The following SNTB2 variants were observed in gnomAD, a reference collection of about 807,000 sequenced individuals.
SNTB2 encodes the protein syntrophin beta 2.
SNTB2 carries 34 observed loss-of-function variants against 46.2 expected under a neutral mutation model. The ratio of observed to expected loss-of-function variants is 0.74; its 90% confidence interval spans 0.56 to 0.98. The LOEUF is 0.98. Among genes scored for constraint, SNTB2 ranks in the 50% least tolerant of loss-of-function variants. The pLI is 0.00. For missense variants in SNTB2, 603 were observed against 731.4 expected (o/e 0.82, Z 2.02); for synonymous variants, 290 against 312.6 (o/e 0.93, Z 0.76).
chr16:69,279,372 C>G (rs573630016), intron 4 of SNTB2, among the ~76,000 whole-genome samples: 1 of 151,958 alleles, frequency 6.6e-6, no homozygotes, highest in Non-Finnish European at 1.5e-5. Context: ...TTGTCTTTAT[C>G]CTTTCTTTTG....
intron 1 of SNTB2, among the ~76,000 whole-genome samples, chr16:69,233,181 A>G (rs1377426477): frequency 6.6e-6 from 1 of 152,204 alleles, no homozygotes; most frequent in East Asian, 1.9e-4. Flanking sequence ...AGAGGAAAGG[A>G]ACTAACTTCA....
chr16:69,187,212 ATGGCGGTG>A lies in SNTB2; in HGVS notation c.50_57del (p.Ala17AspfsTer87). The A allele has an allele frequency of 7.0e-7, 1 of 1,435,036 alleles. No homozygotes were observed. The highest frequency in any genetic ancestry group is 9.1e-7 in the Non-Finnish European group (1 of 1,094,818). 88.9% of individuals were successfully genotyped at this position (1,435,036 alleles called of 1,614,324 possible). A position where few individuals can be genotyped will look rare whatever the true frequency, so the allele number is the denominator to read the frequency against. ...TGCGGCGGCTGGAGCGGGGCCGGCC[ATGGCGGTG>A]TGGACGCGGGCCACCAAAGCGGGGC... On this transcript the variant is annotated frameshift_variant, in exon 1 of 7. Coordinates refer to ENST00000336278, the MANE Select transcript of SNTB2 (RefSeq NM_006750.4). LOFTEE classifies it high-confidence loss of function.
Position 69,211,536 on chromosome 16 carries a change from GA to G in SNTB2, c.580+23807del, listed in dbSNP as rs71254074. Among the ~76,000 whole-genome samples, 798 of 95,988 alleles carry G rather than the reference GA, an allele frequency of 8.3e-3. 6 individuals carry two copies. Among genetic ancestry groups the G allele is most frequent in the East Asian group, 0.047 (144 of 3,034 alleles). 63.0% of individuals were successfully genotyped at this position (95,988 alleles called of 152,430 possible). A position where few individuals can be genotyped will look rare whatever the true frequency, so the allele number is the denominator to read the frequency against. ...AACATAATGAGACCCCATCTCAAGG[GA>G]AAAAAAAAAAAAAAAAGGGAAAGAA... is the stretch of plus-strand genomic sequence containing the variant. On this transcript the variant is annotated intron_variant, in intron 1 of 6. Coordinates refer to ENST00000336278, the MANE Select transcript of SNTB2 (RefSeq NM_006750.4).
chr16:69,265,166 G>A (rs909168192), intron 3 of SNTB2, among the ~76,000 whole-genome samples: 13 of 151,938 alleles, frequency 8.6e-5, no homozygotes, highest in African/African-American at 3.1e-4. Flanking sequence ...GGAGAATGGC[G>A]TGAACCCAGG....
intron 5 of SNTB2, among the ~76,000 whole-genome samples, chr16:69,291,745 C>T (rs955686884): frequency 1.3e-5 from 2 of 151,978 alleles, no homozygotes; most frequent in Non-Finnish European, 2.9e-5. Context: ...TAAAATAAGC[C>T]TGGGCAACAG....
intron 1 of SNTB2, among the ~76,000 whole-genome samples, chr16:69,199,655 A>G (rs1384718497): frequency 6.6e-6 from 1 of 151,574 alleles, no homozygotes; most frequent in African/African-American, 2.4e-5. Context: ...CTTAGCAAAG[A>G]GAGAAATATT....
chr16:69,286,030 T>C (rs892027864), intron 5 of SNTB2, among the ~76,000 whole-genome samples: 2 of 152,092 alleles, frequency 1.3e-5, no homozygotes, highest in African/African-American at 4.8e-5. Context: ...TGACCTCAGG[T>C]GATCCACCGA....
intron 1 of SNTB2, among the ~76,000 whole-genome samples, chr16:69,219,036 G>C (rs116561902): frequency 0.014 from 2,074 of 152,298 alleles, 56 homozygotes; most frequent in African/African-American, 0.048. Context: ...GTAACTGCAA[G>C]GGGCATTGGA....
rs1395507269 is a variant in SNTB2, at chr16:69,260,136, C to A, written c.881C>A (p.Ala294Asp). 1.2e-6 allele frequency: 2 copies of A among 1,614,038 alleles called. No homozygotes were observed. Among genetic ancestry groups the A allele is most frequent in the South Asian group, 1.1e-5 (1 of 91,072 alleles). The change falls in exon 3 of 7, where the codon GCT becomes GAT. Residue 294 changes from alanine (A) to aspartate (D), a missense_variant. Coordinates refer to ENST00000336278, the MANE Select transcript of SNTB2 (RefSeq NM_006750.4). ...GCCACAGCACACTCCTGGTTCGTAGCTATCCACACCAACATAATGGCTCTC... is the reference window on the plus strand; with the variant it reads ...GCCACAGCACACTCCTGGTTCGTAGATATCCACACCAACATAATGGCTCTC... ...DTATAHSWFV[A>D]IHTNIMALLP...
chr16:69,232,259 G>A (rs762929741), intron 1 of SNTB2, among the ~76,000 whole-genome samples: 7 of 147,744 alleles, frequency 4.7e-5, no homozygotes, highest in African/African-American at 7.5e-5. Context: ...AGGCTGGAGC[G>A]CAGTGGTGTG....
At chr16:69,269,529 T>C (rs1390543151) in intron 3 of SNTB2, among the ~76,000 whole-genome samples, 1 of 151,880 alleles carries the variant, frequency 6.6e-6, no homozygotes, top group African/African-American at 2.4e-5. Flanking sequence ...AAAAAAAAGA[T>C]AGATGTTAAC....
intron 1 of SNTB2, among the ~76,000 whole-genome samples, chr16:69,193,703 T>C (rs1293982887): frequency 6.6e-6 from 1 of 152,214 alleles, no homozygotes; most frequent in African/African-American, 2.4e-5. Flanking sequence ...ACATGCCTTA[T>C]TCAAGGCTCT....
intron 1 of SNTB2, among the ~76,000 whole-genome samples, chr16:69,189,367 C>T (rs1964026637): frequency 1.3e-5 from 2 of 152,254 alleles, no homozygotes; most frequent in South Asian, 2.1e-4. Context: ...TAAATTCTTA[C>T]ATCCAGAATA....
At chr16:69,244,634 C>A (rs934503537) in intron 1 of SNTB2, among the ~76,000 whole-genome samples, 3 of 152,170 alleles carry the variant, frequency 2.0e-5, no homozygotes, top group Non-Finnish European at 2.9e-5. Flanking sequence ...CTTAAAAAAG[C>A]TTCCTATCTA....
intron 6 of SNTB2, 109 bp downstream of exon 6, chr16:69,299,883 A>G: frequency 1.6e-6 from 2 of 1,219,124 alleles, no homozygotes; most frequent in Non-Finnish European, 2.2e-6. Flanking sequence ...ATTTAGAACC[A>G]TGAAATTTTA....
chr16:69,270,582 T>C (rs936367579), intron 4 of SNTB2, among the ~76,000 whole-genome samples: 17 of 152,326 alleles, frequency 1.1e-4, no homozygotes, highest in African/African-American at 4.1e-4. Flanking sequence ...GGTTTTTTTT[T>C]CTTTATTTTA....
At chr16:69,275,982 G>A (rs973249718) in intron 4 of SNTB2, among the ~76,000 whole-genome samples, 6 of 152,142 alleles carry the variant, frequency 3.9e-5, no homozygotes, top group South Asian at 2.1e-4. Flanking sequence ...AGCTCTGTAC[G>A]TGTGTGGGTT....
At chr16:69,232,208 C>CTT (rs34688718) in intron 1 of SNTB2, among the ~76,000 whole-genome samples, 8 of 136,588 alleles carry the variant, frequency 5.9e-5, no homozygotes, top group South Asian at 2.3e-4. Context: ...TTTCTTTTTT[C>CTT]TTTTTTTTTT....
At chr16:69,273,258 T>C (rs1964955207) in intron 4 of SNTB2, among the ~76,000 whole-genome samples, 1 of 152,198 alleles carries the variant, frequency 6.6e-6, no homozygotes, top group Non-Finnish European at 1.5e-5. Context: ...CGAAAACTTA[T>C]GTCCACATCA....
Sources: gnomAD v4.1 joint callset for allele counts (sites outside exome capture counted in the v4.1 genomes callset) on GRCh38, gnomAD v4.1.1 for gene constraint, MANE v1.5 for transcripts, NCBI Gene and HGNC (gene_info 2026-07-23, HGNC 2026-07-21) for gene names.